ECHDC1: variants seen among roughly 807,000 people sequenced by gnomAD.
ECHDC1 encodes the protein ethylmalonyl-CoA decarboxylase 1.
Under a neutral mutation model 29.7 loss-of-function variants are expected in ECHDC1, and 29 were observed. That is an observed-to-expected ratio of 0.98 (90% CI 0.73 to 1.33). The LOEUF (loss-of-function observed/expected upper bound fraction) is 1.33, where lower values mean the gene tolerates loss of function less well. Among genes scored for constraint, ECHDC1 ranks in the 40% most tolerant of loss-of-function variants. The pLI is 0.00. For synonymous variants in ECHDC1, 126 were observed against 123.1 expected (o/e 1.02, Z -0.15); for missense variants, 328 against 350.0 (o/e 0.94, Z 0.50).
chr6:127,324,375 G>A (rs572965222), intron 3 of ECHDC1, among the ~76,000 whole-genome samples: 2 of 152,270 alleles, frequency 1.3e-5, no homozygotes, highest in Admixed American at 6.5e-5. Flanking sequence ...ATCCCATGGA[G>A]CTGAGGCTAA....
chr6:127,326,920 A>AATGC (rs1783396359), intron 3 of ECHDC1, 82 bp downstream of exon 3: 15 of 1,450,700 alleles, frequency 1.0e-5, no homozygotes, highest in Non-Finnish European at 1.3e-5. Flanking sequence ...AGTCATCATA[A>AATGC]CCATTAGTAA....
chr6:127,340,971 T>A (rs899529213), intron 1 of ECHDC1, among the ~76,000 whole-genome samples: 1 of 152,220 alleles, frequency 6.6e-6, no homozygotes, highest in Non-Finnish European at 1.5e-5. Flanking sequence ...ATGAACGCCA[T>A]CAGATCTATA....
intron 2 of ECHDC1, among the ~76,000 whole-genome samples, chr6:127,328,585 A>C (rs1308387818): frequency 6.6e-6 from 1 of 152,206 alleles, no homozygotes; most frequent in Non-Finnish European, 1.5e-5. Context: ...AACCCTTTCC[A>C]AGGATGTCCT....
chr6:127,317,336 C>CTT (rs370273905), intron 3 of ECHDC1, among the ~76,000 whole-genome samples: 1 of 151,554 alleles, frequency 6.6e-6, no homozygotes, highest in Non-Finnish European at 1.5e-5. Flanking sequence ...TTTATAATTT[C>CTT]TTTTTTTTGG....
rs1217846436 is a variant in ECHDC1, at chr6:127,288,872, A to AAAT, written c.*994_*996dup. 3 of 152,064 alleles carry AAAT rather than the reference A, an allele frequency of 2.0e-5. No individual in the cohort carries two copies. Among genetic ancestry groups the AAAT allele is most frequent in the Non-Finnish European group, 4.4e-5 (3 of 67,980 alleles). The allele number at this position is 152,064 out of a possible 1,614,324, so 9.4% of individuals were successfully genotyped here. Reference sequence around the variant, plus strand: ...AACAGTAGGATCATGATGGTAAGGCAAATGCAAGTTATTTTTACCATGATT... The same window carrying AAAT: ...AACAGTAGGATCATGATGGTAAGGCAAATAATGCAAGTTATTTTTACCATGATT... On this transcript the variant is annotated 3_prime_UTR_variant, in exon 6 of 6. Coordinates refer to ENST00000454859, the MANE Select transcript of ECHDC1 (RefSeq NM_001002030.2).
intron 3 of ECHDC1, among the ~76,000 whole-genome samples, chr6:127,317,013 TTCAA>T (rs1782442988): frequency 6.6e-6 from 1 of 152,144 alleles, no homozygotes; most frequent in Admixed American, 6.6e-5. Context: ...ACATACTTTC[TTCAA>T]TCCAGTGTAA....
chr6:127,313,061 T>G (rs1782072752), intron 5 of ECHDC1: 1 of 152,224 alleles, frequency 6.6e-6, no homozygotes, highest in Non-Finnish European at 1.5e-5. Context: ...TATGAAAACA[T>G]ATAGATAGGG....
At chr6:127,323,526 T>C (rs960896840) in intron 3 of ECHDC1, among the ~76,000 whole-genome samples, 2 of 152,140 alleles carry the variant, frequency 1.3e-5, no homozygotes, top group African/African-American at 4.8e-5. Context: ...TCTTGAATCC[T>C]CACAATAGCT....
At chr6:127,330,518 A>C (rs1290256727) in intron 2 of ECHDC1, among the ~76,000 whole-genome samples, 1 of 152,216 alleles carries the variant, frequency 6.6e-6, no homozygotes, top group Non-Finnish European at 1.5e-5. Context: ...GAAGTTATTA[A>C]ACAGTTAATG....
At chr6:127,297,727 T>C (rs897795276) in intron 5 of ECHDC1, among the ~76,000 whole-genome samples, 5 of 152,030 alleles carry the variant, frequency 3.3e-5, no homozygotes, top group Non-Finnish European at 5.9e-5. Context: ...AAGCTTCACT[T>C]TGTGCTTACC....
chr6:127,320,162 C>T (rs1042146357), intron 3 of ECHDC1, among the ~76,000 whole-genome samples: 4 of 152,116 alleles, frequency 2.6e-5, no homozygotes, highest in African/African-American at 9.7e-5. Context: ...GGATTACTGG[C>T]ACCTGCCACC....
intron 1 of ECHDC1, among the ~76,000 whole-genome samples, chr6:127,334,706 C>T (rs1784283156): frequency 6.6e-6 from 1 of 152,028 alleles, no homozygotes; most frequent in Non-Finnish European, 1.5e-5. Context: ...TTGCTTCTCC[C>T]CTATATTGTT....
chr6:127,295,149 A>G (rs1255910732), intron 5 of ECHDC1, among the ~76,000 whole-genome samples: 1 of 152,098 alleles, frequency 6.6e-6, no homozygotes, highest in Non-Finnish European at 1.5e-5. Flanking sequence ...AGGTTTCACC[A>G]TGTTGGCCAG....
At chr6:127,303,802 C>T (rs753157330) in intron 5 of ECHDC1, among the ~76,000 whole-genome samples, 7 of 152,176 alleles carry the variant, frequency 4.6e-5, no homozygotes, top group Non-Finnish European at 8.8e-5. Flanking sequence ...CATGGGGCGA[C>T]ACTCCTCCAC....
chr6:127,318,720 T>TA (rs1305199999), intron 3 of ECHDC1, among the ~76,000 whole-genome samples: 20 of 152,322 alleles, frequency 1.3e-4, no homozygotes, highest in Non-Finnish European at 2.5e-4. Flanking sequence ...CCTCAGACGC[T>TA]AGTAAAATGT....
At chr6:127,329,429 T>C (rs978744794) in intron 2 of ECHDC1, among the ~76,000 whole-genome samples, 4 of 152,232 alleles carry the variant, frequency 2.6e-5, no homozygotes, top group African/African-American at 9.6e-5. Flanking sequence ...ATCATCACTA[T>C]TGATCCAATT....
At chr6:127,337,829 C>G (rs751148862) in intron 1 of ECHDC1, among the ~76,000 whole-genome samples, 5 of 152,166 alleles carry the variant, frequency 3.3e-5, no homozygotes, top group Non-Finnish European at 7.3e-5. Flanking sequence ...CTTTCACTAC[C>G]CTTAGACCGA....
chr6:127,322,664 T>C (rs1223594037), intron 3 of ECHDC1, among the ~76,000 whole-genome samples: 1 of 143,258 alleles, frequency 7.0e-6, no homozygotes, highest in Non-Finnish European at 1.6e-5. Flanking sequence ...ATATATACAA[T>C]GATGTATATA....
At chr6:127,316,307 T>C in intron 4 of ECHDC1, 143 bp downstream of exon 4, 1 of 636,664 alleles carries the variant, frequency 1.6e-6, no homozygotes. Flanking sequence ...GATTATCCTC[T>C]ACGGCACAAA....
Sources: allele counts gnomAD v4.1 joint callset (sites outside exome capture counted in the v4.1 genomes callset), GRCh38; gene constraint gnomAD v4.1.1; transcripts MANE v1.5; gene names NCBI Gene and HGNC (gene_info 2026-07-23, HGNC 2026-07-21).